The following KMT5B variants were observed in gnomAD, a reference collection of about 807,000 sequenced individuals.
KMT5B encodes histone-lysine N-methyltransferase KMT5B.
A neutral mutation model predicts 83.2 loss-of-function variants in KMT5B; 10 were observed. That is an observed-to-expected ratio of 0.12 (90% CI 0.07 to 0.20). The LOEUF (loss-of-function observed/expected upper bound fraction) is 0.20. KMT5B is among the 10% of genes least tolerant of loss of function. KMT5B has a pLI of 1.00. For missense variants in KMT5B, 753 were observed against 1,067.2 expected, an observed-to-expected ratio of 0.71 and a Z score of 4.10; for synonymous variants, 349 against 388.8, an observed-to-expected ratio of 0.90 and a Z score of 1.20.
intron 1 of KMT5B, among the ~76,000 whole-genome samples, chr11:68,191,173 T>TGTGTGTGTGTGTGTGTGTGTGTGTG (rs1858004569): frequency 4.3e-5 from 6 of 139,172 alleles, no homozygotes; most frequent in Non-Finnish European, 9.3e-5. Context: ...TTTTAAAACT[T>TGTGTGTGTGTGTGTGTGTGTGTGTG]TGTGTGTGTG....
intron 1 of KMT5B, among the ~76,000 whole-genome samples, chr11:68,209,862 T>C (rs1049705600): frequency 4.7e-5 from 7 of 148,046 alleles, no homozygotes; most frequent in Non-Finnish European, 1.0e-4. Flanking sequence ...CTGTTTTCTT[T>C]CCCCCTTTTT....
intron 10 of KMT5B, chr11:68,166,562 T>C (rs964690939): frequency 2.0e-6 from 2 of 1,009,628 alleles, no homozygotes; most frequent in Non-Finnish European, 1.2e-6. Flanking sequence ...CCAGAAGCTA[T>C]GAATTCCCCA....
chr11:68,160,720 G>C (rs950149093), intron 10 of KMT5B, among the ~76,000 whole-genome samples: 1 of 152,090 alleles, frequency 6.6e-6, no homozygotes, highest in Admixed American at 6.6e-5. Context: ...AGAATAGAAG[G>C]CTCTGCACCT....
chr11:68,165,010 C>T (rs561181335), intron 10 of KMT5B, among the ~76,000 whole-genome samples: 17 of 152,328 alleles, frequency 1.1e-4, no homozygotes, highest in African/African-American at 3.6e-4. Flanking sequence ...AATATTAGTA[C>T]ACCCAACATC....
chr11:68,206,799 GA>G (rs991904531), intron 1 of KMT5B, among the ~76,000 whole-genome samples: 8 of 149,410 alleles, frequency 5.4e-5, no homozygotes, highest in Admixed American at 6.6e-5. Flanking sequence ...ACTCACACAT[GA>G]AAAAAAAAAT....
intron 9 of KMT5B, among the ~76,000 whole-genome samples, 192 bp downstream of exon 9, chr11:68,170,823 A>G (rs142577598): frequency 2.0e-5 from 3 of 152,268 alleles, no homozygotes; most frequent in Admixed American, 2.0e-4. Context: ...AAATTTATTG[A>G]GGGACATTCC....
At chr11:68,174,205 C>A in intron 5 of KMT5B, 1 of 489,440 alleles carries the variant, frequency 2.0e-6, no homozygotes, top group Non-Finnish European at 3.9e-6. Flanking sequence ...GAGCAAGATT[C>A]TGCCTCTAAA....
intron 10 of KMT5B, chr11:68,165,869 C>T (rs753501526): frequency 6.2e-7 from 1 of 1,612,850 alleles, no homozygotes; most frequent in Admixed American, 1.7e-5. Flanking sequence ...ACTCTGACTC[C>T]CAGCAGCAGG....
chr11:68,199,049 T>C (rs995245645), intron 1 of KMT5B, among the ~76,000 whole-genome samples: 1 of 152,166 alleles, frequency 6.6e-6, no homozygotes, highest in Non-Finnish European at 1.5e-5. Context: ...ACTTCTTAAA[T>C]GGTGTATTAG....
At chr11:68,197,121 C>T (rs529382627) in intron 1 of KMT5B, among the ~76,000 whole-genome samples, 1 of 152,184 alleles carries the variant, frequency 6.6e-6, no homozygotes, top group East Asian at 1.9e-4. Context: ...CAGGTGCGCA[C>T]CACCACACCT....
intron 4 of KMT5B, chr11:68,176,787 AAAC>A (rs1409802849): frequency 2.6e-5 from 4 of 152,214 alleles, no homozygotes; most frequent in Non-Finnish European, 5.9e-5. Flanking sequence ...TGTATCAAAA[AAAC>A]AAAACAAAAC....
Position 68,159,294 on chromosome 11 carries a change from C to T in KMT5B, c.1175-123G>A, listed in dbSNP as rs1235541816. The T allele has an allele frequency of 4.4e-6, 6 of 1,365,632 alleles. No individual in the cohort carries two copies. The African/African-American group carries it at 7.4e-5, about 17-fold the overall frequency. 84.6% of individuals were successfully genotyped at this position (1,365,632 alleles called of 1,614,324 possible). ...TTACACAAACGCCAACACCACGGCT[C>T]CTGCTGCAGATTCTGCCAGCGCACC... is the stretch of plus-strand genomic sequence containing the variant. On this transcript the variant is annotated intron_variant, in intron 10 of 10. Transcript: ENST00000304363.
chr11:68,209,899 C>T (rs573787558), intron 1 of KMT5B, among the ~76,000 whole-genome samples: 2 of 150,128 alleles, frequency 1.3e-5, no homozygotes, highest in South Asian at 4.2e-4. Flanking sequence ...CGGAGTCTTG[C>T]TCTGTCGCCC....
At chr11:68,176,887 T>A (rs923268277) in intron 4 of KMT5B, among the ~76,000 whole-genome samples, 5 of 152,196 alleles carry the variant, frequency 3.3e-5, no homozygotes, top group Non-Finnish European at 7.3e-5. Flanking sequence ...AAAAAATCTT[T>A]ATGTGTCTTA....
At chr11:68,202,802 C>T (rs1859623192) in intron 1 of KMT5B, among the ~76,000 whole-genome samples, 1 of 152,046 alleles carries the variant, frequency 6.6e-6, no homozygotes. Flanking sequence ...CCACCTCGGC[C>T]TCCCAAAGTA....
chr11:68,180,401 C>A (rs1425044743), intron 3 of KMT5B, among the ~76,000 whole-genome samples: 1 of 152,192 alleles, frequency 6.6e-6, no homozygotes, highest in Non-Finnish European at 1.5e-5. Context: ...ATAGAACACA[C>A]CTTACCATGA....
chr11:68,174,143 T>C (rs1321519002), intron 5 of KMT5B: 3 of 598,602 alleles, frequency 5.0e-6, no homozygotes, highest in South Asian at 3.0e-5. Context: ...GCCCAAGAGA[T>C]GGAAGCTGCA....
chr11:68,162,166 G>A (rs1263479402), intron 10 of KMT5B, among the ~76,000 whole-genome samples: 1 of 152,172 alleles, frequency 6.6e-6, no homozygotes, highest in African/African-American at 2.4e-5. Flanking sequence ...CCTCCTGCAT[G>A]AACTATGGCA....
chr11:68,169,609 T>C (rs1855651496), intron 9 of KMT5B, among the ~76,000 whole-genome samples: 1 of 152,100 alleles, frequency 6.6e-6, no homozygotes, highest in Non-Finnish European at 1.5e-5. Context: ...ACAAAATAGG[T>C]TCTGATGTTA....
Sources: gnomAD v4.1 joint callset for allele counts (sites outside exome capture counted in the v4.1 genomes callset) on GRCh38, gnomAD v4.1.1 for gene constraint, MANE v1.5 for transcripts, NCBI Gene and HGNC (gene_info 2026-07-23, HGNC 2026-07-21) for gene names.